Variants in STAU1 observed in about 807,000 individuals in gnomAD.
STAU1 encodes double-stranded RNA-binding protein Staufen homolog 1.
Under a neutral mutation model 62.9 loss-of-function variants are expected in STAU1, and 13 were observed. That is an observed-to-expected ratio of 0.21 (90% CI 0.13 to 0.33). The LOEUF (loss-of-function observed/expected upper bound fraction) is 0.33, where lower values mean the gene tolerates loss of function less well. STAU1 is among the 10% of genes least tolerant of loss of function. The probability of loss-of-function intolerance (pLI) is 1.00; values close to 1 mark genes in which losing one functional copy is unlikely to be tolerated. For missense variants in STAU1, 571 were observed against 712.1 expected (o/e 0.80, Z 2.25); for synonymous variants, 269 against 265.1 (o/e 1.01, Z -0.14).
chr20:49,176,850 G>A (rs1467734601), intron 1 of STAU1, among the ~76,000 whole-genome samples: 2 of 151,926 alleles, frequency 1.3e-5, no homozygotes, highest in African/African-American at 4.8e-5. Context: ...GTAAGTTTGG[G>A]TGTCTAGTTT....
rs565349538 is a variant in STAU1 at position 49,188,135 on chromosome 20, C to T, written c.-179G>A. 9 of 151,220 alleles carry T rather than the reference C, an allele frequency of 6.0e-5. No homozygotes were observed. In the East Asian group the frequency reaches 1.8e-3, roughly 30 times the overall value. The allele number at this position is 151,220 out of a possible 1,614,324, so 9.4% of individuals were successfully genotyped here. A position where few individuals can be genotyped will look rare whatever the true frequency, so the allele number is the denominator to read the frequency against. On this transcript the variant is annotated 5_prime_UTR_variant, in exon 1 of 14. Coordinates refer to ENST00000371856, the MANE Select transcript of STAU1 (RefSeq NM_017453.4). ...CCTCACCTGGCTGCTGCTCCGAGCT[C>T]GTCCCCCGGCCGGCGGTCCTGGGCG... is the stretch of plus-strand genomic sequence containing the variant.
At position 49,117,128 on chromosome 20, in the gene STAU1, T is replaced by C. The variant is rs1424636637; in HGVS notation, c.1630A>G (p.Met544Val). Reference protein sequence around the residue: ...IGKDVESCHDMAALNILKLLS... With the variant: ...IGKDVESCHDVAALNILKLLS... Reference sequence around the variant, plus strand: ...CCCTCACCCAAGGTGTGACGTACCATATCATGGCAGGACTCCACATCCTTG... The same window carrying C: ...CCCTCACCCAAGGTGTGACGTACCACATCATGGCAGGACTCCACATCCTTG... The change falls in exon 12 of 14, where the codon ATG (methionine) becomes GTG (valine). Residue 544 changes from methionine to valine, a missense_variant and splice_region_variant. By Grantham distance (21) the Met-to-Val change is conservative. Transcript: ENST00000371856. This position sits in a 1 kb window ranked among gnomAD's most constrained non-coding sequence, Gnocchi z 4.6. 3.7e-6 allele frequency: 6 copies of C among 1,614,112 alleles called. No homozygotes were observed. The highest frequency in any genetic ancestry group is 3.3e-5 in the South Asian group (3 of 91,076).
In STAU1 at chr20:49,114,614, G is replaced by T; in HGVS notation, c.*264C>A. 1 of 462,596 alleles carries T rather than the reference G, an allele frequency of 2.2e-6. No homozygotes were observed. The highest frequency in any genetic ancestry group is 3.9e-6 in the Non-Finnish European group (1 of 256,384). The allele number at this position is 462,596 out of a possible 1,614,324, so 28.7% of individuals were successfully genotyped here. Reference sequence around the variant, plus strand: ...TGTCCCGGGAGAACCAGCTGGCTGGGCAGCCCTTCTTCCCCACAGGCAGCT... The same window carrying T: ...TGTCCCGGGAGAACCAGCTGGCTGGTCAGCCCTTCTTCCCCACAGGCAGCT... On this transcript the variant is annotated 3_prime_UTR_variant, in exon 14 of 14. Coordinates refer to ENST00000371856, the MANE Select transcript of STAU1 (RefSeq NM_017453.4).
chr20:49,132,108 G>C (rs571860892), intron 6 of STAU1, among the ~76,000 whole-genome samples: 1 of 151,986 alleles, frequency 6.6e-6, no homozygotes, highest in South Asian at 2.1e-4. Flanking sequence ...AGGAGCAGAG[G>C]TGTGGGAAGG....
At chr20:49,170,304 C>G (rs2093580811) in intron 2 of STAU1, among the ~76,000 whole-genome samples, 2 of 152,226 alleles carry the variant, frequency 1.3e-5, no homozygotes. Context: ...CCACTTTCAA[C>G]TTACAGACTG....
intron 8 of STAU1, among the ~76,000 whole-genome samples, chr20:49,121,801 G>A (rs2092470968): frequency 1.3e-5 from 2 of 152,152 alleles, no homozygotes; most frequent in African/African-American, 4.8e-5. Context: ...CCTCCCCGAA[G>A]AAGAGCTGGT....
At position 49,117,151 on chromosome 20, in the gene STAU1, T is replaced by G; in HGVS notation, c.1607A>C (p.Lys536Thr). The G allele has an allele frequency of 6.2e-7, 1 of 1,614,196 alleles. No individual in the cohort carries two copies. Among genetic ancestry groups the G allele is most frequent in the South Asian group, 1.1e-5 (1 of 91,080 alleles). The change falls in exon 12 of 14, where the codon AAG (lysine) becomes ACG (threonine). Residue 536 changes from lysine (K) to threonine (T), a missense_variant. This residue lies in a region of STAU1 where 156 missense variants were observed against 194.7 expected (regional missense o/e 0.80). Coordinates refer to ENST00000371856, the MANE Select transcript of STAU1 (RefSeq NM_017453.4). The surrounding 1 kb of genome is among the most constrained non-coding windows in gnomAD (Gnocchi z 4.6). ...QPPLISHGIG[K>T]DVESCHDMAA... is the part of the protein sequence containing the mutation. ...CATATCATGGCAGGACTCCACATCC[T>G]TGCCGATACCATGGCTGATCAGAGG...
chr20:49,168,544 AG>A (rs2093556387), intron 2 of STAU1, among the ~76,000 whole-genome samples: 1 of 152,184 alleles, frequency 6.6e-6, no homozygotes, highest in Non-Finnish European at 1.5e-5. Flanking sequence ...AAAAAAAAAA[AG>A]TTAAACTCTC....
chr20:49,129,188 G>A (rs941216156), intron 6 of STAU1, among the ~76,000 whole-genome samples: 1 of 148,744 alleles, frequency 6.7e-6, no homozygotes, highest in Non-Finnish European at 1.5e-5. Context: ...AACACGAAAA[G>A]AAGCTCAGTA....
In STAU1 at chr20:49,148,483, C is replaced by T. The variant is rs535025510; in HGVS notation, c.510+3099G>A. 3.3e-5 allele frequency among the ~76,000 whole-genome samples: 5 copies of T among 152,256 alleles called. No individual in the cohort carries two copies. In the South Asian group the frequency reaches 8.3e-4, roughly 25 times the overall value. On this transcript the variant is annotated intron_variant, in intron 5 of 13. Transcript: ENST00000371856. ...AATCCAAAACACTTCTAGTCGCAAGCGTTTAGGGTAAGGGATATTCATCTA... is the reference window on the plus strand; with the variant it reads ...AATCCAAAACACTTCTAGTCGCAAGTGTTTAGGGTAAGGGATATTCATCTA...
rs985529137 is a variant in STAU1, at chr20:49,113,865, A to G, written c.*1013T>C. 5.9e-5 allele frequency: 9 copies of G among 152,670 alleles called. No homozygotes were observed. Among genetic ancestry groups the G allele is most frequent in the Admixed American group, 1.3e-4 (2 of 15,276 alleles). 9.5% of individuals were successfully genotyped at this position (152,670 alleles called of 1,614,324 possible). Reference sequence around the variant, plus strand: ...AGTGAAAGCTAAGTCCTCAAGAGCCATATGTATAGATACACAATGTTTTTT... The same window carrying G: ...AGTGAAAGCTAAGTCCTCAAGAGCCGTATGTATAGATACACAATGTTTTTT... On this transcript the variant is annotated 3_prime_UTR_variant, in exon 14 of 14. Coordinates refer to ENST00000371856, the MANE Select transcript of STAU1 (RefSeq NM_017453.4).
chr20:49,120,162 T>G (rs1461752319), intron 8 of STAU1, 34 bp from the exon 9 acceptor site: 1 of 1,583,220 alleles, frequency 6.3e-7, no homozygotes, highest in East Asian at 2.3e-5. Flanking sequence ...GACCAGTGCT[T>G]AAACCTTCAG....
the STAU1 span, among the ~76,000 whole-genome samples, chr20:49,203,263 A>T: frequency 6.6e-6 from 1 of 152,136 alleles, no homozygotes; most frequent in African/African-American, 2.4e-5. Flanking sequence ...CATCTCTACC[A>T]AAAATACAAA....
rs373336189 is a variant in STAU1, at chr20:49,117,255, G to A, written c.1510-7C>T. The A allele has an allele frequency of 1.2e-6, 2 of 1,613,914 alleles. No homozygotes were observed. The highest frequency in any genetic ancestry group is 1.3e-5 in the African/African-American group (1 of 75,038). ...GGAAGTCTTTGTATTCAACCTAAGG[G>A]GGAAAAGAGAGCTGAGGCTAGGTAG... On this transcript the variant is annotated splice_polypyrimidine_tract_variant and splice_region_variant and intron_variant, in intron 11 of 13. Transcript: ENST00000371856. This position sits in a 1 kb window ranked among gnomAD's most constrained non-coding sequence, Gnocchi z 4.6.
chr20:49,194,004 G>A, the STAU1 span, among the ~76,000 whole-genome samples: 1 of 151,974 alleles, frequency 6.6e-6, no homozygotes, highest in Non-Finnish European at 1.5e-5. Context: ...TCAAATTGGT[G>A]AGGAAAAGAT....
Position 49,117,069 on chromosome 20 carries a change from A to T in STAU1, c.1632+57T>A. ...CTCAGGCTAGTAACAAGCTGAACCA[A>T]GGCAGGCTCCACATAAACACACAAC... On this transcript the variant is annotated intron_variant, in intron 12 of 13. Transcript: ENST00000371856. The surrounding 1 kb of genome is among the most constrained non-coding windows in gnomAD (Gnocchi z 4.6). The T allele has an allele frequency of 6.2e-7, 1 of 1,603,414 alleles. No homozygotes were observed. The highest frequency in any genetic ancestry group is 8.5e-7 in the Non-Finnish European group (1 of 1,174,180).
chr20:49,194,999 G>T, the STAU1 span, among the ~76,000 whole-genome samples: 6 of 151,924 alleles, frequency 3.9e-5, no homozygotes, highest in Non-Finnish European at 8.8e-5. Context: ...ATTCCTGCAA[G>T]AATGTTTGTA....
chr20:49,161,163 T>TAAA (rs879681419), intron 3 of STAU1, among the ~76,000 whole-genome samples: 10 of 138,460 alleles, frequency 7.2e-5, no homozygotes, highest in African/African-American at 2.6e-4. Context: ...CACAAAGAAT[T>TAAA]AAAAAAAAAA....
Position 49,180,417 on chromosome 20 carries a change from G to A in STAU1, c.-159-6148C>T, listed in dbSNP as rs867652818. On this transcript the variant is annotated intron_variant, in intron 1 of 13. Coordinates refer to ENST00000371856, the MANE Select transcript of STAU1 (RefSeq NM_017453.4). ...CAGGTCACTGCAAACTCCACCTCCC[G>A]GGTTCAAGCCATTCTCCTGCCTCAG... Among the ~76,000 whole-genome samples, 18 of 151,448 alleles carry A rather than the reference G, an allele frequency of 1.2e-4. No individual in the cohort carries two copies. In the East Asian group the frequency reaches 3.1e-3, roughly 26 times the overall value.
Sources: allele counts gnomAD v4.1 joint callset (sites outside exome capture counted in the v4.1 genomes callset), GRCh38; gene constraint gnomAD v4.1.1; regional missense constraint gnomAD v4.1.1; non-coding constraint Gnocchi (gnomAD v3.1); transcripts MANE v1.5; gene names NCBI Gene and HGNC (gene_info 2026-07-23, HGNC 2026-07-21).